The following PKD2L1 variants were observed in gnomAD, a reference collection of about 807,000 sequenced individuals.
PKD2L1 encodes polycystin-2-like protein 1.
Under a neutral mutation model 93.0 loss-of-function variants are expected in PKD2L1, and 77 were observed. The observed-to-expected ratio is 0.83, with a 90% CI of 0.69 to 1.00. PKD2L1 has a LOEUF of 1.00. Among genes scored for constraint, PKD2L1 ranks in the 50% least tolerant of loss-of-function variants. The pLI, the probability that PKD2L1 is intolerant of heterozygous loss-of-function variation, is 0.00. For synonymous variants in PKD2L1, 390 were observed against 388.0 expected (o/e 1.01, Z -0.06); for missense variants, 977 against 990.9 (o/e 0.99, Z 0.19).
Position 100,295,090 on chromosome 10 carries a change from T to G in PKD2L1, c.1390A>C (p.Thr464Pro), listed in dbSNP as rs1171069553. 1 of 1,613,960 alleles carries G rather than the reference T, an allele frequency of 6.2e-7. No individual in the cohort carries two copies. Among genetic ancestry groups the G allele is most frequent in the African/African-American group, 1.3e-5 (1 of 74,904 alleles). Residue 464 changes from threonine to proline, a missense_variant, in exon 8 of 16, where the codon ACC becomes CCC. Coordinates refer to ENST00000318222, the MANE Select transcript of PKD2L1 (RefSeq NM_016112.3). The stretch of plus-strand genomic sequence containing the variant: ...CGGGCCAGCGTGGAGGAGAGCTGGG[T>G]CATGGTTTTGTTGAAGCTGATGTAC... ...FKYISFNKTM[T>P]QLSSTLARCA...
At chr10:100,323,918 C>G (rs1026610214) in intron 2 of PKD2L1, among the ~76,000 whole-genome samples, 1 of 152,124 alleles carries the variant, frequency 6.6e-6, no homozygotes, top group Non-Finnish European at 1.5e-5. Context: ...ACCTCCGCCT[C>G]CCAGGTTCAA....
In PKD2L1 at chr10:100,290,484, T is replaced by G; in HGVS notation, c.2043A>C (p.Arg681=). 6.2e-7 allele frequency: 1 copy of G among 1,613,526 alleles called. No individual in the cohort carries two copies. The highest frequency in any genetic ancestry group is 8.5e-7 in the Non-Finnish European group (1 of 1,179,958). The change falls in exon 13 of 16, where the codon CGA becomes CGC. Residue 681 remains arginine (R), a synonymous_variant. Transcript: ENST00000318222. The stretch of plus-strand genomic sequence containing the variant: ...TGCCTTGTGGGCTGCTCACAATAGA[T>G]CGGCCTAGTTTCTCAATCTCAGTGT... ...ALNTEIEKLG[R]SIVSSPQGKS...
intron 6 of PKD2L1, 49 bp from the exon 7 acceptor site, chr10:100,296,341 A>G: frequency 6.7e-7 from 1 of 1,492,086 alleles, no homozygotes; most frequent in Non-Finnish European, 9.0e-7. Flanking sequence ...GGGGATCTCA[A>G]GGGAAGTTCC....
rs1385494808 is a variant in PKD2L1 at position 100,299,603 on chromosome 10, C to T, written c.465G>A (p.Ala155=). ...GVSFQAISSM[A]DFWDFAQGPL... The stretch of plus-strand genomic sequence containing the variant: ...ATCTTATACTCACATCCCAGAAGTC[C>T]GCCATGCTGCTGATGGCCTGAAAGG... The change falls in exon 3 of 16, where the codon GCG becomes GCA. Residue 155 remains alanine (A), a synonymous_variant. Coordinates refer to ENST00000318222, the MANE Select transcript of PKD2L1 (RefSeq NM_016112.3). 2.2e-5 allele frequency: 35 copies of T among 1,613,684 alleles called. No homozygotes were observed. The highest frequency in any genetic ancestry group is 3.3e-5 in the South Asian group (3 of 91,072).
chr10:100,289,727 T>C (rs1188338974), intron 14 of PKD2L1, among the ~76,000 whole-genome samples: 2 of 152,042 alleles, frequency 1.3e-5, no homozygotes. Flanking sequence ...AGGAACAAAT[T>C]TGTGTTGCTT....
In PKD2L1 at chr10:100,297,004, G is replaced by A. The variant is rs777039699; in HGVS notation, c.1161C>T (p.Asn387=). 6 of 1,613,178 alleles carry A rather than the reference G, an allele frequency of 3.7e-6. No individual in the cohort carries two copies. The Admixed American group carries it at 8.3e-5, about 22-fold the overall frequency. Residue 387 remains asparagine (N), a synonymous_variant, in exon 6 of 16, where the codon AAC becomes AAT. Coordinates refer to ENST00000318222, the MANE Select transcript of PKD2L1 (RefSeq NM_016112.3). The part of the protein sequence containing the change: ...HRLRYLSSIW[N]ILDLVVILLS... ...CCAAGATGACCACCAGGTCCAGTATGTTCCAGATGCTGCTGAGGTAGCGAA... is the reference window on the plus strand; with the variant it reads ...CCAAGATGACCACCAGGTCCAGTATATTCCAGATGCTGCTGAGGTAGCGAA...
intron 2 of PKD2L1, among the ~76,000 whole-genome samples, chr10:100,302,234 C>T (rs956309835): frequency 1.8e-5 from 2 of 113,672 alleles, no homozygotes; most frequent in Non-Finnish European, 3.4e-5. Flanking sequence ...TGTATTCATG[C>T]ATACACACAC....
At chr10:100,313,776 T>C (rs1649724162) in intron 2 of PKD2L1, among the ~76,000 whole-genome samples, 1 of 152,144 alleles carries the variant, frequency 6.6e-6, no homozygotes, top group African/African-American at 2.4e-5. Context: ...CAATAACCAA[T>C]CAATAATTCA....
chr10:100,306,882 G>GAGAA (rs1190418255), intron 2 of PKD2L1, among the ~76,000 whole-genome samples: 7 of 94,522 alleles, frequency 7.4e-5, no homozygotes, highest in African/African-American at 2.3e-4. Context: ...AAGAAAGAGA[G>GAGAA]AGAAAGAAAG....
chr10:100,297,412 T>G lies in PKD2L1; in HGVS notation c.926A>C (p.Asn309Thr). Residue 309 changes from asparagine to threonine, a missense_variant, in exon 5 of 16, where the codon AAT (asparagine) becomes ACT (threonine). By Grantham distance (65) the Asn-to-Thr change is moderately conservative. Transcript: ENST00000318222. ...GACACAGAAAAGATTGATATTGGCA[T>G]TGTAGACTGAGAAGTCGATGAACAC... Reference protein sequence around the residue: ...RVVFIDFSVYNANINLFCVLR... With the variant: ...RVVFIDFSVYTANINLFCVLR... The G allele has an allele frequency of 6.2e-7, 1 of 1,613,964 alleles. No homozygotes were observed. The highest frequency in any genetic ancestry group is 8.5e-7 in the Non-Finnish European group (1 of 1,179,922).
In PKD2L1 at chr10:100,297,134, T is replaced by C. The variant is rs544987327; in HGVS notation, c.1031A>G (p.Tyr344Cys). 1.4e-5 allele frequency: 23 copies of C among 1,614,140 alleles called. No individual in the cohort carries two copies. In the South Asian group the frequency reaches 2.1e-4, roughly 15 times the overall value. The part of the protein sequence containing the change: ...WQIRTVKLIR[Y>C]VSNWDFFIVG... ...GATAAAGAAGTCCCAGTTGCTGACA[T>C]AGCGGATCAGCTTGACTGTGCGGAT... is the stretch of plus-strand genomic sequence containing the variant. Residue 344 changes from tyrosine (Y) to cysteine (C), a missense_variant, in exon 6 of 16, where the codon TAT becomes TGT. Tyr to Cys is a radical substitution (Grantham distance 194, BLOSUM62 -2). Transcript: ENST00000318222.
At chr10:100,296,567 C>T (rs973504811) in intron 6 of PKD2L1, among the ~76,000 whole-genome samples, 1 of 152,050 alleles carries the variant, frequency 6.6e-6, no homozygotes, top group Non-Finnish European at 1.5e-5. Context: ...CCAGTCATTT[C>T]CTTCCGCTCC....
chr10:100,289,850 TC>T (rs1308261017), intron 14 of PKD2L1, among the ~76,000 whole-genome samples, 164 bp downstream of exon 14: 1 of 152,194 alleles, frequency 6.6e-6, no homozygotes, highest in Non-Finnish European at 1.5e-5. Context: ...CCAGGCCTTA[TC>T]TCCATGACCC....
chr10:100,289,122 C>G, intron 14 of PKD2L1, 66 bp from the exon 15 acceptor site: 2 of 1,173,302 alleles, frequency 1.7e-6, no homozygotes, highest in Non-Finnish European at 2.5e-6. Flanking sequence ...TCTTTTCTCT[C>G]TATCTGATTC....
chr10:100,297,242 G>T, intron 5 of PKD2L1, 34 bp from the exon 6 acceptor site: 1 of 1,596,208 alleles, frequency 6.3e-7, no homozygotes, highest in Non-Finnish European at 8.6e-7. Context: ...CTCCAGTGGA[G>T]CCTTCGCTGG....
intron 2 of PKD2L1, among the ~76,000 whole-genome samples, chr10:100,307,710 G>T (rs1848836803): frequency 6.6e-6 from 1 of 152,068 alleles, no homozygotes; most frequent in African/African-American, 2.4e-5. Flanking sequence ...TACATAAAAG[G>T]CAGTCCTTCT....
At chr10:100,319,461 A>C (rs1849180588) in intron 2 of PKD2L1, among the ~76,000 whole-genome samples, 1 of 135,592 alleles carries the variant, frequency 7.4e-6, no homozygotes, top group South Asian at 2.2e-4. Context: ...TATATGACAA[A>C]GTATCTTCTG....
intron 2 of PKD2L1, among the ~76,000 whole-genome samples, chr10:100,319,865 T>C (rs932480242): frequency 1.1e-4 from 17 of 152,226 alleles, no homozygotes; most frequent in African/African-American, 3.1e-4. Flanking sequence ...ATAACAATAA[T>C]GTCTCCTAAA....
At chr10:100,312,949 T>G (rs947989208) in intron 2 of PKD2L1, among the ~76,000 whole-genome samples, 8 of 151,364 alleles carry the variant, frequency 5.3e-5, no homozygotes, top group South Asian at 2.1e-4. Context: ...TCATAAGAGA[T>G]AAGGTAACAT....
Sources: gnomAD v4.1 joint callset for allele counts (sites outside exome capture counted in the v4.1 genomes callset) on GRCh38, gnomAD v4.1.1 for gene constraint, MANE v1.5 for transcripts, NCBI Gene and HGNC (gene_info 2026-07-23, HGNC 2026-07-21) for gene names.